The following CD163 variants were observed in gnomAD, a reference collection of about 807,000 sequenced individuals.
CD163 encodes the protein CD163 molecule, also known as scavenger receptor cysteine-rich type 1 protein M130.
CD163 carries 64 observed loss-of-function variants against 129.2 expected under a neutral mutation model. The ratio of observed to expected loss-of-function variants is 0.50; its 90% CI spans 0.41 to 0.61. The LOEUF (loss-of-function observed/expected upper bound fraction) is 0.61. CD163 is among the 20% of genes least tolerant of loss of function. The probability of loss-of-function intolerance (pLI) is 0.00; values close to 1 mark genes in which losing one functional copy is unlikely to be tolerated. For missense variants in CD163, 1,061 were observed against 1,377.9 expected (o/e 0.77, Z 3.64); for synonymous variants, 446 against 478.5 (o/e 0.93, Z 0.89).
chr12:7,495,186 G>A lies in CD163; in HGVS notation c.1315C>T (p.Leu439=), dbSNP rs374837791. The A allele has an allele frequency of 6.2e-7, 1 of 1,614,004 alleles. No individual in the cohort carries two copies. Among genetic ancestry groups the A allele is most frequent in the Non-Finnish European group, 8.5e-7 (1 of 1,180,006 alleles). ...KIQATNTWLF[L]SSCNGNETSL... ...GTTTCATTTCCGTTACAGCTACTTA[G>A]AAACAGCCATGTGTTTGTTGCCTGG... The change falls in exon 6 of 17, where the codon CTA becomes TTA. Residue 439 remains leucine (L), a synonymous_variant. Coordinates refer to ENST00000432237, the MANE Select transcript of CD163 (RefSeq NM_203416.4).
rs779409951 is a variant in CD163, at chr12:7,482,656, T to C, written c.3234A>G (p.Arg1078=). 2 of 1,614,154 alleles carry C rather than the reference T, an allele frequency of 1.2e-6. No individual in the cohort carries two copies. Among genetic ancestry groups the C allele is most frequent in the Non-Finnish European group, 1.7e-6 (2 of 1,180,016 alleles). The change falls in exon 14 of 17, where the codon AGA becomes AGG. Residue 1078 remains arginine, a synonymous_variant. Transcript: ENST00000432237. ...TTTGGCTCAAACCTGCAAGCCGCTG[T>C]CTCTGTCTTCGCTTTTTAGTCAAGA... The part of the protein sequence containing the change: ...LFFLTKKRRQ[R]QRLAVSSRGE...
intron 1 of CD163, among the ~76,000 whole-genome samples, chr12:7,502,999 A>T (rs182920455): frequency 8.2e-4 from 125 of 152,292 alleles, no homozygotes; most frequent in African/African-American, 2.9e-3. Context: ...ATAGAGGATA[A>T]GTTCCATGAG....
intron 2 of CD163, among the ~76,000 whole-genome samples, chr12:7,502,272 G>A (rs891061407): frequency 1.3e-5 from 2 of 152,132 alleles, no homozygotes; most frequent in Non-Finnish European, 2.9e-5. Flanking sequence ...TTTCTCTCCT[G>A]TGAGTTTATT....
Position 7,501,229 on chromosome 12 carries a change from T to A in CD163, c.367A>T (p.Asn123Tyr). The A allele has an allele frequency of 6.2e-7, 1 of 1,614,230 alleles. No homozygotes were observed. Among genetic ancestry groups the A allele is most frequent in the African/African-American group, 1.3e-5 (1 of 75,060 alleles). The part of the protein sequence containing the change: ...IWMDHVSCRG[N>Y]ESALWDCKHD... Reference sequence around the variant, plus strand: ...TTGCAATCCCAAAGAGCTGACTCATTCCCACGACAAGAAACATGATCCATC... The same window carrying A: ...TTGCAATCCCAAAGAGCTGACTCATACCCACGACAAGAAACATGATCCATC... Residue 123 changes from asparagine to tyrosine, a missense_variant, in exon 3 of 17, where the codon AAT becomes TAT. Coordinates refer to ENST00000432237, the MANE Select transcript of CD163 (RefSeq NM_203416.4).
chr12:7,483,992 C>T lies in CD163; in HGVS notation c.2780-317G>A, dbSNP rs112513962. Among the ~76,000 whole-genome samples, 1,100 of 151,026 alleles carry T rather than the reference C, an allele frequency of 7.3e-3. 14 individuals carry two copies. Among genetic ancestry groups the T allele is most frequent in the African/African-American group, 0.026 (1,051 of 41,204 alleles). The stretch of plus-strand genomic sequence containing the variant: ...AGTAGCTGGGACTACAGGCGCCCAC[C>T]ACCACACCCGGCTAATTTTTTGTAT... On this transcript the variant is annotated intron_variant, in intron 11 of 16. Coordinates refer to ENST00000432237, the MANE Select transcript of CD163 (RefSeq NM_203416.4).
rs755555052 is a variant in CD163 at position 7,481,228 on chromosome 12, G to C, written c.3276C>G (p.His1092Gln). Residue 1092 changes from histidine (H) to glutamine (Q), a missense_variant, in exon 15 of 17, where the codon CAC (histidine) becomes CAG (glutamine). His to Gln is a conservative substitution (Grantham distance 24). Coordinates refer to ENST00000432237, the MANE Select transcript of CD163 (RefSeq NM_203416.4). ...AATTCATCTCCCGGTATTGAATTTG[G>C]TGGACTAAGTTCTCTCCTCTTGAGG... ...AVSSRGENLV[H>Q]QIQYREMNSC... The C allele has an allele frequency of 6.2e-7, 1 of 1,613,672 alleles. No individual in the cohort carries two copies. The highest frequency in any genetic ancestry group is 1.3e-5 in the African/African-American group (1 of 74,864).
intron 6 of CD163, 47 bp downstream of exon 6, chr12:7,495,034 C>T (rs1949380717): frequency 6.9e-7 from 1 of 1,449,094 alleles, no homozygotes; most frequent in South Asian, 1.2e-5. Context: ...AAAGGTAGTA[C>T]TGGAAATTTA....
Position 7,485,372 on chromosome 12 carries a change from A to G in CD163, c.2503T>C (p.Cys835Arg). The G allele has an allele frequency of 6.2e-7, 1 of 1,614,202 alleles. No individual in the cohort carries two copies. The highest frequency in any genetic ancestry group is 8.5e-7 in the Non-Finnish European group (1 of 1,180,016). ...RLTSEASREACAGRLEVFYNG... is the reference protein window; with the variant it reads ...RLTSEASREARAGRLEVFYNG... ...TAAAAAACTTCCAGACGCCCTGCAC[A>G]GGCCTCTCTGCTGGCTTCACTGGTC... Residue 835 changes from cysteine (C) to arginine (R), a missense_variant, in exon 11 of 17, where the codon TGT becomes CGT. Coordinates refer to ENST00000432237, the MANE Select transcript of CD163 (RefSeq NM_203416.4). The surrounding 1 kb of genome is among the most constrained non-coding windows in gnomAD (Gnocchi z 4.5).
chr12:7,489,147 A>C (rs2136713667), intron 6 of CD163, among the ~76,000 whole-genome samples: 1 of 152,308 alleles, frequency 6.6e-6, no homozygotes, highest in African/African-American at 2.4e-5. Flanking sequence ...ATTTGAAGCC[A>C]GACAGTATAT....
chr12:7,497,577 C>A (rs1017397458), intron 4 of CD163, among the ~76,000 whole-genome samples: 4 of 152,128 alleles, frequency 2.6e-5, no homozygotes, highest in African/African-American at 9.7e-5. Flanking sequence ...ACACCTGAAC[C>A]TGTTGTGACC....
At chr12:7,500,717 T>C (rs10772425) in intron 3 of CD163, among the ~76,000 whole-genome samples, 130,058 of 152,188 alleles carry the variant, frequency 0.85, 57,248 homozygotes, top group Non-Finnish European at 0.97. Context: ...TTTTTTGATT[T>C]ACTAAGTTGA....
chr12:7,479,835 T>C, intron 16 of CD163, 25 bp downstream of exon 16: 2 of 1,606,778 alleles, frequency 1.2e-6, no homozygotes, highest in South Asian at 1.1e-5. Flanking sequence ...TTTTGAACAA[T>C]GACTAATAAA....
Position 7,487,797 on chromosome 12 carries a change from T to C in CD163, c.1711A>G (p.Arg571Gly). The change falls in exon 7 of 17, where the codon AGG becomes GGG. Residue 571 changes from arginine to glycine, a missense_variant. Physicochemically the swap from Arg to Gly is moderately radical, Grantham distance 125. Coordinates refer to ENST00000432237, the MANE Select transcript of CD163 (RefSeq NM_203416.4). The surrounding 1 kb of genome is among the most constrained non-coding windows in gnomAD (Gnocchi z 5.1). ...PRPEGTCSHS[R>G]DVGVVCSRYT... ...CTTGAGCAGACTACTCCAACATCCC[T>C]GCTGTGGCTACAAGTTCCTTCTGGG... 6.2e-7 allele frequency: 1 copy of C among 1,614,130 alleles called. No individual in the cohort carries two copies. The highest frequency in any genetic ancestry group is 8.5e-7 in the Non-Finnish European group (1 of 1,180,032).
chr12:7,480,216 T>C (rs1004247424), intron 15 of CD163: 3 of 397,410 alleles, frequency 7.5e-6, no homozygotes, highest in Non-Finnish European at 1.3e-5. Context: ...AGATGCATAA[T>C]TCTTTGGATG....
At position 7,496,993 on chromosome 12, in the gene CD163, G is replaced by C; in HGVS notation, c.919C>G (p.Leu307Val). 6.2e-7 allele frequency: 1 copy of C among 1,614,052 alleles called. No individual in the cohort carries two copies. The highest frequency in any genetic ancestry group is 8.5e-7 in the Non-Finnish European group (1 of 1,179,998). The change falls in exon 5 of 17, where the codon CTG becomes GTG. Residue 307 changes from leucine to valine, a missense_variant. By Grantham distance (32) the Leu-to-Val change is conservative (BLOSUM62 1). Coordinates refer to ENST00000432237, the MANE Select transcript of CD163 (RefSeq NM_203416.4). This position sits in a 1 kb window ranked among gnomAD's most constrained non-coding sequence, Gnocchi z 4.8. The stretch of plus-strand genomic sequence containing the variant: ...GCTGTGACGGCAGTTGGACATCCCA[G>C]TTGCTTGCATGCCACAGCAGCATCG... ...SYDAAVACKQ[L>V]GCPTAVTAIG...
intron 12 of CD163, 181 bp from the exon 13 acceptor site, chr12:7,483,185 T>C: frequency 1.3e-6 from 1 of 799,288 alleles, no homozygotes; most frequent in Non-Finnish European, 2.0e-6. Flanking sequence ...ATGTGTCTCC[T>C]TGGTGAAGGC....
In CD163 at chr12:7,482,743, T is replaced by C. The variant is rs1352519264; in HGVS notation, c.3147A>G (p.Ser1049=). Residue 1049 remains serine, a synonymous_variant, in exon 14 of 17, where the codon TCA becomes TCG. Coordinates refer to ENST00000432237, the MANE Select transcript of CD163 (RefSeq NM_203416.4). The stretch of plus-strand genomic sequence containing the variant: ...CAAGGATCCCGACTGCAATAAAGGA[T>C]GACTGACGGGATGAGCGACCTAAGT... ...KATTGRSSRQ[S]SFIAVGILGV... The C allele has an allele frequency of 1.2e-6, 2 of 1,614,010 alleles. No individual in the cohort carries two copies. The highest frequency in any genetic ancestry group is 1.1e-5 in the South Asian group (1 of 91,076).
At position 7,487,994 on chromosome 12, in the gene CD163, G is replaced by C. The variant is rs753344885; in HGVS notation, c.1514C>G (p.Ser505Trp). ...GCTGGCAGCTTCCAGAGAGAAGTCC[G>C]AATCACAGATGGAGCCCCACGTGTC... The part of the protein sequence containing the change: ...HGDTWGSICD[S>W]DFSLEAASVL... The change falls in exon 7 of 17, where the codon TCG becomes TGG. Residue 505 changes from serine (S) to tryptophan (W), a missense_variant. Transcript: ENST00000432237. The surrounding 1 kb of genome is among the most constrained non-coding windows in gnomAD (Gnocchi z 5.1). 12 of 1,613,974 alleles carry C rather than the reference G, an allele frequency of 7.4e-6. No individual in the cohort carries two copies. Among genetic ancestry groups the C allele is most frequent in the Non-Finnish European group, 1.0e-5 (12 of 1,180,020 alleles).
At position 7,486,843 on chromosome 12, in the gene CD163, G is replaced by A. The variant is rs754235247; in HGVS notation, c.2144-30C>T. 7 of 1,605,068 alleles carry A rather than the reference G, an allele frequency of 4.4e-6. No individual in the cohort carries two copies. The Admixed American group carries it at 1.0e-4, about 23-fold the overall frequency. ...AAAGAGAAATGAAACTATTAATAAT[G>A]AGCATTCCACTTGTTATTAATATTT... On this transcript the variant is annotated intron_variant, in intron 9 of 16. Coordinates refer to ENST00000432237, the MANE Select transcript of CD163 (RefSeq NM_203416.4).
Sources: gnomAD v4.1 joint callset for allele counts (sites outside exome capture counted in the v4.1 genomes callset) on GRCh38, gnomAD v4.1.1 for gene constraint, Gnocchi (gnomAD v3.1) non-coding constraint, MANE v1.5 for transcripts, NCBI Gene and HGNC (gene_info 2026-07-23, HGNC 2026-07-21) for gene names.